The following PFDN1 variants were observed in gnomAD, a reference collection of about 807,000 sequenced individuals.
PFDN1 encodes the protein prefoldin 1.
Under a neutral mutation model 17.3 loss-of-function variants are expected in PFDN1, and 6 were observed. The ratio of observed to expected loss-of-function variants is 0.35; its 90% CI spans 0.19 to 0.69. PFDN1 has a LOEUF of 0.69. PFDN1 is among the 30% of genes least tolerant of loss of function. The pLI is 0.65. For synonymous variants in PFDN1, 58 were observed against 50.1 expected (o/e 1.16, Z -0.67); for missense variants, 113 against 146.2 (o/e 0.77, Z 1.17).
intron 2 of PFDN1, among the ~76,000 whole-genome samples, chr5:140,294,443 G>A (rs2126700577): frequency 6.6e-6 from 1 of 152,028 alleles, no homozygotes; most frequent in Non-Finnish European, 1.5e-5. Flanking sequence ...AATTGTAAAA[G>A]GGCTGCAAAA....
At chr5:140,291,453 G>GT (rs1765580122) in intron 2 of PFDN1, among the ~76,000 whole-genome samples, 4 of 152,124 alleles carry the variant, frequency 2.6e-5, no homozygotes, top group African/African-American at 9.7e-5. Flanking sequence ...GAGATGGTTT[G>GT]TTTATAAACA....
intron 2 of PFDN1, among the ~76,000 whole-genome samples, chr5:140,295,551 T>C (rs1217627212): frequency 6.6e-6 from 1 of 152,096 alleles, no homozygotes; most frequent in African/African-American, 2.4e-5. Flanking sequence ...GTAGCAAAAC[T>C]AGAAATTGGT....
intron 3 of PFDN1, among the ~76,000 whole-genome samples, chr5:140,265,542 G>C (rs1325892602): frequency 2.0e-5 from 3 of 151,894 alleles, no homozygotes; most frequent in Non-Finnish European, 4.4e-5. Flanking sequence ...TCTCTACTTG[G>C]GTGTCTAATA....
At chr5:140,293,072 T>C (rs1406398553) in intron 2 of PFDN1, 4 of 152,082 alleles carry the variant, frequency 2.6e-5, no homozygotes, top group Non-Finnish European at 5.9e-5. Context: ...TGGCTTAAAA[T>C]TGACTGTTTT....
intron 3 of PFDN1, among the ~76,000 whole-genome samples, chr5:140,279,209 T>G (rs1030667): frequency 0.28 from 41,983 of 152,004 alleles, 6,752 homozygotes; most frequent in African/African-American, 0.45. Flanking sequence ...GAGGTGACAT[T>G]TGGATGTACC....
rs544056084 is a variant in PFDN1, at chr5:140,293,621, G to A, written c.200+6795C>T. Among the ~76,000 whole-genome samples the A allele has an allele frequency of 1.6e-4, 25 of 152,100 alleles. No individual in the cohort carries two copies. In the East Asian group the frequency reaches 3.5e-3, roughly 21 times the overall value. ...GGGAAATAATTATTAAAAAGTACTC[G>A]TCTGCAGAAGAAACAGGACTATGTA... On this transcript the variant is annotated intron_variant, in intron 2 of 3. Coordinates refer to ENST00000261813, the MANE Select transcript of PFDN1 (RefSeq NM_002622.5).
chr5:140,267,250 G>C (rs900797874), intron 3 of PFDN1, among the ~76,000 whole-genome samples: 5 of 152,222 alleles, frequency 3.3e-5, no homozygotes, highest in Admixed American at 2.6e-4. Context: ...ACTGAGTTAG[G>C]GGAGAATAGT....
chr5:140,281,250 G>C, intron 3 of PFDN1, 199 bp downstream of exon 3: 1 of 449,990 alleles, frequency 2.2e-6, no homozygotes, highest in South Asian at 3.2e-5. Context: ...CCAAAGAAGA[G>C]ACTATTCTTT....
chr5:140,263,654 C>T (rs752535247), intron 3 of PFDN1, among the ~76,000 whole-genome samples: 3 of 151,998 alleles, frequency 2.0e-5, no homozygotes, highest in Admixed American at 6.6e-5. Context: ...AATTGGCTCA[C>T]GGTTCCACAG....
chr5:140,257,864 A>C (rs939213324), intron 3 of PFDN1, among the ~76,000 whole-genome samples: 6 of 152,208 alleles, frequency 3.9e-5, no homozygotes, highest in Non-Finnish European at 7.3e-5. Flanking sequence ...GAGGGAAACC[A>C]TGGTCTTCGA....
chr5:140,278,587 A>AAAAAAAAAAAAAAAAC (rs1561508718), intron 3 of PFDN1, among the ~76,000 whole-genome samples: 2 of 131,784 alleles, frequency 1.5e-5, no homozygotes, highest in Non-Finnish European at 1.6e-5. Context: ...AAAAAAAAAA[A>AAAAAAAAAAAAAAAAC]CAAAAAACAA....
intron 3 of PFDN1, among the ~76,000 whole-genome samples, chr5:140,251,148 C>A (rs1764907692): frequency 1.3e-5 from 2 of 152,094 alleles, no homozygotes; most frequent in African/African-American, 4.8e-5. Context: ...GTTGGCCAGG[C>A]TGGTCTCGAA....
chr5:140,252,950 G>A (rs980356531), intron 3 of PFDN1, among the ~76,000 whole-genome samples: 2 of 152,156 alleles, frequency 1.3e-5, no homozygotes, highest in South Asian at 2.1e-4. Flanking sequence ...AGGTCTAAGC[G>A]GTCCACGGAT....
At chr5:140,246,225 G>T (rs559963155) in intron 3 of PFDN1, among the ~76,000 whole-genome samples, 168 bp from the exon 4 acceptor site, 1 of 152,120 alleles carries the variant, frequency 6.6e-6, no homozygotes, top group Non-Finnish European at 1.5e-5. Flanking sequence ...CCTCACCTCC[G>T]AACCATGGGT....
chr5:140,255,694 T>C (rs1764976097), intron 3 of PFDN1, among the ~76,000 whole-genome samples: 1 of 152,074 alleles, frequency 6.6e-6, no homozygotes. Flanking sequence ...AATGATTTCA[T>C]CCCCACATAC....
intron 3 of PFDN1, among the ~76,000 whole-genome samples, chr5:140,256,658 C>CAAAAAAAAAAAAAAAAAAAAAAAAAAA (rs757723797): frequency 1.8e-4 from 7 of 39,894 alleles, no homozygotes; most frequent in African/African-American, 3.6e-4. Context: ...CAAAAAATGA[C>CAAAAAAAAAAAAAAAAAAAAAAAAAAA]AAAAAAAAAA....
chr5:140,294,665 TAAACAGTTGAA>T (rs1436982184), intron 2 of PFDN1, among the ~76,000 whole-genome samples: 1 of 152,054 alleles, frequency 6.6e-6, no homozygotes, highest in Non-Finnish European at 1.5e-5. Context: ...TTCTACAACC[TAAACAGTTGAA>T]AAACTGCTTA....
At chr5:140,261,765 C>T (rs1424028943) in intron 3 of PFDN1, among the ~76,000 whole-genome samples, 1 of 152,016 alleles carries the variant, frequency 6.6e-6, no homozygotes, top group African/African-American at 2.4e-5. Context: ...AAAATGCTGT[C>T]CTCCAACTCA....
At position 140,288,379 on chromosome 5, in the gene PFDN1, TAA is replaced by T. The variant is rs1028105218; in HGVS notation, c.201-6848_201-6847del. Among the ~76,000 whole-genome samples the T allele has an allele frequency of 6.6e-5, 10 of 151,528 alleles. No homozygotes were observed. In the South Asian group the frequency reaches 1.0e-3, roughly 16 times the overall value. ...AACGCAAAACTATATATAGAAACAGTAAAAAGGTCAGTGGTCACCAGGGAAGA... is the reference window on the plus strand; with the variant it reads ...AACGCAAAACTATATATAGAAACAGTAAAGGTCAGTGGTCACCAGGGAAGA... On this transcript the variant is annotated intron_variant, in intron 2 of 3. Coordinates refer to ENST00000261813, the MANE Select transcript of PFDN1 (RefSeq NM_002622.5).
Sources: gnomAD v4.1 joint callset for allele counts (sites outside exome capture counted in the v4.1 genomes callset) on GRCh38, gnomAD v4.1.1 for gene constraint, MANE v1.5 for transcripts, NCBI Gene and HGNC (gene_info 2026-07-23, HGNC 2026-07-21) for gene names.